ZNF592: variants seen among roughly 807,000 people sequenced by gnomAD.
ZNF592 encodes the protein zinc finger protein 592.
ZNF592 carries 11 observed loss-of-function variants against 80.3 expected under a neutral mutation model. The observed-to-expected ratio is 0.14, with a 90% CI of 0.09 to 0.23. The LOEUF is 0.23. Ranked by LOEUF, ZNF592 falls within the 10% of genes least tolerant of loss-of-function variation. ZNF592 has a pLI of 1.00. For missense variants in ZNF592, 1,420 were observed against 1,633.9 expected (o/e 0.87, Z 2.26); for synonymous variants, 646 against 640.3 (o/e 1.01, Z -0.13).
At chr15:84,778,601 G>T (rs1962331312) in intron 3 of ZNF592, among the ~76,000 whole-genome samples, 1 of 152,176 alleles carries the variant, frequency 6.6e-6, no homozygotes, top group Non-Finnish European at 1.5e-5. Context: ...TGCTGGCCTG[G>T]CTCTAAGAGC....
chr15:84,752,043 T>C (rs1899030075), intron 1 of ZNF592, among the ~76,000 whole-genome samples: 1 of 151,418 alleles, frequency 6.6e-6, no homozygotes, highest in South Asian at 2.1e-4. Flanking sequence ...ATTGCAGACA[T>C]GAGCCACCAG....
chr15:84,772,852 A>C (rs1962124132), intron 2 of ZNF592, among the ~76,000 whole-genome samples: 1 of 152,214 alleles, frequency 6.6e-6, no homozygotes, highest in African/African-American at 2.4e-5. Flanking sequence ...AGAATATATT[A>C]ACTAGAGATC....
At position 84,765,760 on chromosome 15, in the gene ZNF592, A is replaced by G. The variant is rs187406432; in HGVS notation, c.-150+945A>G. Among the ~76,000 whole-genome samples, 127 of 152,038 alleles carry G rather than the reference A, an allele frequency of 8.4e-4. No homozygotes were observed. In the Middle Eastern group the frequency reaches 0.01, roughly 12 times the overall value. On this transcript the variant is annotated intron_variant, in intron 2 of 10. Coordinates refer to ENST00000560079, the MANE Select transcript of ZNF592 (RefSeq NM_014630.3). The stretch of plus-strand genomic sequence containing the variant: ...CACCATGTTGGCCAGGATGGTCTCC[A>G]TCTCTTGACCTGTGATCTGCCTGCC...
intron 3 of ZNF592, among the ~76,000 whole-genome samples, chr15:84,782,085 G>GA (rs1962436424): frequency 6.6e-6 from 1 of 152,020 alleles, no homozygotes; most frequent in Non-Finnish European, 1.5e-5. Flanking sequence ...GCTGAACAGA[G>GA]AAAAAATACC....
chr15:84,804,093 C>T lies in ZNF592; in HGVS notation c.*1700C>T, dbSNP rs1177920629. ...TGCTAATGGCAGTGGGAAAGGTTGC[C>T]TCACTTTCAGAGAGACTCTCGCTGT... On this transcript the variant is annotated 3_prime_UTR_variant, in exon 11 of 11. Coordinates refer to ENST00000560079, the MANE Select transcript of ZNF592 (RefSeq NM_014630.3). The T allele has an allele frequency of 2.0e-5, 3 of 152,216 alleles. No homozygotes were observed. Among genetic ancestry groups the T allele is most frequent in the African/African-American group, 7.2e-5 (3 of 41,442 alleles). The allele number at this position is 152,216 out of a possible 1,614,324, so 9.4% of individuals were successfully genotyped here.
intron 1 of ZNF592, among the ~76,000 whole-genome samples, chr15:84,757,402 G>A (rs1413535567): frequency 6.7e-6 from 1 of 149,106 alleles, no homozygotes; most frequent in Non-Finnish European, 1.5e-5. Context: ...TTGGAGTGCA[G>A]TGGTGCAATC....
chr15:84,772,136 G>A lies in ZNF592; in HGVS notation c.-149-6047G>A, dbSNP rs1004366349. ...TTAGCTATACCATTCCCAATCTGGGGCTTTGTTCTGGGTCCAGGAACATGA... is the reference window on the plus strand; with the variant it reads ...TTAGCTATACCATTCCCAATCTGGGACTTTGTTCTGGGTCCAGGAACATGA... On this transcript the variant is annotated intron_variant, in intron 2 of 10. Coordinates refer to ENST00000560079, the MANE Select transcript of ZNF592 (RefSeq NM_014630.3). 2.0e-5 allele frequency among the ~76,000 whole-genome samples: 3 copies of A among 152,082 alleles called. No individual in the cohort carries two copies. The South Asian group carries it at 6.2e-4, about 32-fold the overall frequency.
intron 5 of ZNF592, 39 bp from the exon 6 acceptor site, chr15:84,797,830 A>G (rs978135960): frequency 5.0e-6 from 8 of 1,611,296 alleles, no homozygotes; most frequent in African/African-American, 2.7e-5. Context: ...AGTACTCCCT[A>G]TACTCCACCC....
rs1327318876 is a variant in ZNF592 at position 84,784,004 on chromosome 15, G to C, written c.1329G>C (p.Gln443His). Reference protein sequence around the residue: ...PEAGTNSGSPQGARKGDESMT... With the variant: ...PEAGTNSGSPHGARKGDESMT... ...CAGGCACAAATTCAGGGAGCCCCCA[G>C]GGGGCCAGGAAAGGGGACGAGAGCA... The change falls in exon 4 of 11, where the codon CAG becomes CAC. Residue 443 changes from glutamine (Q) to histidine (H), a missense_variant. Physicochemically the swap from Gln to His is conservative, Grantham distance 24. Coordinates refer to ENST00000560079, the MANE Select transcript of ZNF592 (RefSeq NM_014630.3). This position sits in a 1 kb window ranked among gnomAD's most constrained non-coding sequence, Gnocchi z 5.8. The C allele has an allele frequency of 1.9e-6, 3 of 1,611,072 alleles. No homozygotes were observed. The highest frequency in any genetic ancestry group is 2.5e-6 in the Non-Finnish European group (3 of 1,177,686).
intron 2 of ZNF592, among the ~76,000 whole-genome samples, chr15:84,775,206 C>A (rs1002399713): frequency 6.6e-6 from 1 of 152,106 alleles, no homozygotes; most frequent in Admixed American, 6.6e-5. Flanking sequence ...AGCGATTCTC[C>A]GGTCTCAGCC....
chr15:84,777,215 G>A (rs1567066264), intron 2 of ZNF592, among the ~76,000 whole-genome samples: 1 of 151,678 alleles, frequency 6.6e-6, no homozygotes, highest in Non-Finnish European at 1.5e-5. Flanking sequence ...AGTTGCTCAC[G>A]CCTGTAATCC....
At chr15:84,800,148 G>A (rs562783793) in intron 10 of ZNF592, among the ~76,000 whole-genome samples, 171 bp downstream of exon 10, 2 of 152,320 alleles carry the variant, frequency 1.3e-5, no homozygotes, top group East Asian at 3.9e-4. Flanking sequence ...CACAAGTAGG[G>A]GATAAGGACA....
chr15:84,787,361 C>T (rs1962619576), intron 4 of ZNF592, among the ~76,000 whole-genome samples: 2 of 152,186 alleles, frequency 1.3e-5, no homozygotes, highest in South Asian at 2.1e-4. Context: ...AATCTCATGC[C>T]ACTCATTGTG....
At chr15:84,757,062 G>A (rs1899193964) in intron 1 of ZNF592, among the ~76,000 whole-genome samples, 1 of 152,012 alleles carries the variant, frequency 6.6e-6, no homozygotes, top group African/African-American at 2.4e-5. Context: ...GCAGTGAGTC[G>A]ACATTACGCC....
Position 84,787,634 on chromosome 15 carries a change from C to T in ZNF592, c.2220+2739C>T, listed in dbSNP as rs189745841. Among the ~76,000 whole-genome samples, 18 of 152,310 alleles carry T rather than the reference C, an allele frequency of 1.2e-4. No individual in the cohort carries two copies. The East Asian group carries it at 3.3e-3, about 28-fold the overall frequency. On this transcript the variant is annotated intron_variant, in intron 4 of 10. Coordinates refer to ENST00000560079, the MANE Select transcript of ZNF592 (RefSeq NM_014630.3). ...GCAGTGACCCAGGGAGTTCTTTCAT[C>T]CTTCCTCTTGCTTTCCAAGCCACGC...
chr15:84,758,576 G>A (rs948751662), intron 1 of ZNF592, among the ~76,000 whole-genome samples: 5 of 152,036 alleles, frequency 3.3e-5, no homozygotes, highest in South Asian at 2.1e-4. Flanking sequence ...GAGCCATGGC[G>A]CCTGGCCTAT....
At chr15:84,762,773 C>T (rs1899389753) in intron 1 of ZNF592, among the ~76,000 whole-genome samples, 2 of 152,176 alleles carry the variant, frequency 1.3e-5, no homozygotes, top group Non-Finnish European at 2.9e-5. Flanking sequence ...AAAAACTCTT[C>T]AGTTTATGTC....
At chr15:84,800,336 G>A (rs1430610325) in intron 10 of ZNF592, among the ~76,000 whole-genome samples, 1 of 152,176 alleles carries the variant, frequency 6.6e-6, no homozygotes, top group African/African-American at 2.4e-5. Context: ...GTCAGATGAG[G>A]ATAATGATGT....
chr15:84,781,029 A>G (rs2141983375), intron 3 of ZNF592, among the ~76,000 whole-genome samples: 1 of 152,024 alleles, frequency 6.6e-6, no homozygotes, highest in South Asian at 2.1e-4. Context: ...TTTCATAATG[A>G]GAATTTTTAT....
Sources: gnomAD v4.1 joint callset for allele counts (sites outside exome capture counted in the v4.1 genomes callset) on GRCh38, gnomAD v4.1.1 for gene constraint, Gnocchi (gnomAD v3.1) non-coding constraint, MANE v1.5 for transcripts, NCBI Gene and HGNC (gene_info 2026-07-23, HGNC 2026-07-21) for gene names.